The following CHRNA7 variants were observed in gnomAD, a reference collection of about 807,000 sequenced individuals.
CHRNA7 encodes cholinergic receptor nicotinic alpha 7 subunit, also known as neuronal acetylcholine receptor subunit alpha-7.
Under a neutral mutation model 48.0 loss-of-function variants are expected in CHRNA7, and 17 were observed. The ratio of observed to expected loss-of-function variants is 0.35; its 90% CI spans 0.24 to 0.53. The LOEUF (loss-of-function observed/expected upper bound fraction) is 0.53, where lower values mean the gene tolerates loss of function less well. CHRNA7 is among the 20% of genes least tolerant of loss of function. CHRNA7 has a pLI of 0.92. For synonymous variants in CHRNA7, 75 were observed against 242.3 expected (o/e 0.31, Z 6.41); for missense variants, 155 against 577.7 (o/e 0.27, Z 7.50).
chr15:32,153,393 G>T (rs1389328617), intron 4 of CHRNA7: 1 of 142,850 alleles, frequency 7.0e-6, no homozygotes, highest in Non-Finnish European at 1.5e-5. Flanking sequence ...CTGCACTCTA[G>T]CCTGGGCAAC....
chr15:32,144,119 G>A (rs1404932467), intron 4 of CHRNA7, among the ~76,000 whole-genome samples: 1 of 152,146 alleles, frequency 6.6e-6, no homozygotes, highest in African/African-American at 2.4e-5. Flanking sequence ...GCCTGGTGGT[G>A]ACAAAATCTC....
chr15:32,077,993 G>A (rs944099558), intron 2 of CHRNA7, among the ~76,000 whole-genome samples: 7 of 152,158 alleles, frequency 4.6e-5, no homozygotes, highest in Non-Finnish European at 7.4e-5. Flanking sequence ...CAGTGTTGGG[G>A]ATCAATTTTC....
chr15:32,130,515 C>A (rs1267097142), intron 4 of CHRNA7, among the ~76,000 whole-genome samples: 1 of 150,416 alleles, frequency 6.6e-6, no homozygotes, highest in Non-Finnish European at 1.5e-5. Context: ...GTAATGTTTG[C>A]AGGGTATGTG....
intron 4 of CHRNA7, among the ~76,000 whole-genome samples, chr15:32,146,177 C>A (rs930826492): frequency 3.9e-5 from 6 of 152,132 alleles, no homozygotes; most frequent in East Asian, 1.9e-4. Flanking sequence ...TCAAAAAAGT[C>A]CATTAATATA....
chr15:32,091,486 G>T (rs2050381186), intron 2 of CHRNA7, among the ~76,000 whole-genome samples: 1 of 152,100 alleles, frequency 6.6e-6, no homozygotes, highest in African/African-American at 2.4e-5. Flanking sequence ...TTGTGAATTG[G>T]TTACATTTGA....
At chr15:32,065,363 C>G (rs976228526) in intron 2 of CHRNA7, among the ~76,000 whole-genome samples, 7 of 152,152 alleles carry the variant, frequency 4.6e-5, no homozygotes, top group Non-Finnish European at 1.0e-4. Context: ...TCTGGTGGTT[C>G]AGTAGAAGAC....
intron 2 of CHRNA7, among the ~76,000 whole-genome samples, chr15:32,096,817 G>C (rs887576774): frequency 6.6e-6 from 1 of 152,182 alleles, no homozygotes; most frequent in Non-Finnish European, 1.5e-5. Flanking sequence ...TAAAAAGCAC[G>C]ATCACTTAAA....
upstream of CHRNA7, chr15:32,030,505 G>A (rs1031070992): frequency 4.7e-6 from 6 of 1,275,082 alleles, no homozygotes; most frequent in African/African-American, 7.9e-5. Flanking sequence ...CGCGAGCCGA[G>A]CGGCGAGGTG....
intron 2 of CHRNA7, among the ~76,000 whole-genome samples, chr15:32,053,639 A>G (rs1307245199): frequency 1.3e-5 from 2 of 152,222 alleles, no homozygotes; most frequent in Admixed American, 6.5e-5. Flanking sequence ...AAGACAAGGT[A>G]TCATGTACTA....
chr15:32,041,396 G>A (rs1002714500), intron 2 of CHRNA7, among the ~76,000 whole-genome samples: 2 of 152,174 alleles, frequency 1.3e-5, no homozygotes, highest in Non-Finnish European at 2.9e-5. Flanking sequence ...TTCTCATAAG[G>A]AGCGTGCAAC....
intron 3 of CHRNA7, among the ~76,000 whole-genome samples, chr15:32,104,274 C>A (rs1174898589): frequency 2.6e-5 from 4 of 151,948 alleles, no homozygotes; most frequent in Non-Finnish European, 5.9e-5. Flanking sequence ...GAGCCCGTGC[C>A]CCCCCCTCAG....
chr15:32,151,376 A>T (rs2051625365), intron 4 of CHRNA7, among the ~76,000 whole-genome samples: 2 of 151,820 alleles, frequency 1.3e-5, no homozygotes, highest in African/African-American at 4.8e-5. Flanking sequence ...CTCAGGTTTC[A>T]CTCTCATTGT....
At position 32,112,316 on chromosome 15, in the gene CHRNA7, A is replaced by G. The variant is rs576532513; in HGVS notation, c.350+417A>G. The G allele has an allele frequency of 1.1e-4, 52 of 458,814 alleles. No homozygotes were observed. In the Middle Eastern group the frequency reaches 1.9e-3, roughly 17 times the overall value. 28.4% of individuals were successfully genotyped at this position (458,814 alleles called of 1,614,324 possible). A position where few individuals can be genotyped will look rare whatever the true frequency, so the allele number is the denominator to read the frequency against. ...ACAGTTTGGACCCACATCCTCGTCT[A>G]TGTTCCCTGTTGTGCATTGGAGAGT... On this transcript the variant is annotated intron_variant, in intron 4 of 9. Transcript: ENST00000306901.
intron 4 of CHRNA7, among the ~76,000 whole-genome samples, chr15:32,129,998 T>G (rs2051129082): frequency 6.6e-6 from 1 of 152,050 alleles, no homozygotes; most frequent in Non-Finnish European, 1.5e-5. Flanking sequence ...TTCCAAGTGT[T>G]TGGAGATTTT....
At chr15:32,098,356 G>GAGGGAGGGCTTT (rs895837777) in intron 2 of CHRNA7, among the ~76,000 whole-genome samples, 1 of 152,200 alleles carries the variant, frequency 6.6e-6, no homozygotes, top group Non-Finnish European at 1.5e-5. Context: ...AGCCTCTGGG[G>GAGGGAGGGCTTT]AGGGAGGGCT....
At chr15:32,037,721 A>G (rs1902158868) in intron 2 of CHRNA7, among the ~76,000 whole-genome samples, 2 of 152,136 alleles carry the variant, frequency 1.3e-5, no homozygotes, top group Non-Finnish European at 2.9e-5. Flanking sequence ...TTGCCGAAAT[A>G]TAGGAAAGCG....
At chr15:32,038,880 G>A (rs2049398249) in intron 2 of CHRNA7, among the ~76,000 whole-genome samples, 2 of 152,152 alleles carry the variant, frequency 1.3e-5, no homozygotes, top group Admixed American at 1.3e-4. Flanking sequence ...TCACCAGTGA[G>A]CCCTTCTGGG....
At chr15:32,070,549 C>T (rs2050037339) in intron 2 of CHRNA7, among the ~76,000 whole-genome samples, 1 of 151,890 alleles carries the variant, frequency 6.6e-6, no homozygotes, top group Non-Finnish European at 1.5e-5. Context: ...TCACTAAGCC[C>T]AGGACCCTGA....
At chr15:32,047,887 T>G (rs2049584604) in intron 2 of CHRNA7, among the ~76,000 whole-genome samples, 2 of 152,318 alleles carry the variant, frequency 1.3e-5, no homozygotes, top group African/African-American at 4.8e-5. Context: ...TGAAGGGTTG[T>G]TGAATTTTGT....
Sources: allele counts gnomAD v4.1 joint callset (sites outside exome capture counted in the v4.1 genomes callset), GRCh38; gene constraint gnomAD v4.1.1; transcripts MANE v1.5; gene names NCBI Gene and HGNC (gene_info 2026-07-23, HGNC 2026-07-21).